The following GIT2 variants were observed in gnomAD, a reference collection of about 807,000 sequenced individuals.
GIT2 encodes the protein ARF GTPase-activating protein GIT2.
In GIT2, 32 loss-of-function variants were observed where a neutral mutation model predicts 100.3. The ratio of observed to expected loss-of-function variants is 0.32; its 90% confidence interval spans 0.24 to 0.43. The LOEUF is 0.43. GIT2 is among the 20% of genes least tolerant of loss of function. The pLI, the probability that GIT2 is intolerant of heterozygous loss-of-function variation, is 1.00. For missense variants in GIT2, 737 were observed against 975.1 expected (o/e 0.76, Z 3.25); for synonymous variants, 353 against 364.1 (o/e 0.97, Z 0.35).
rs867897339 is a variant in GIT2, at chr12:109,992,797, G to A, written c.53-1037C>T. Among the ~76,000 whole-genome samples, 10 of 152,096 alleles carry A rather than the reference G, an allele frequency of 6.6e-5. No homozygotes were observed. The South Asian group carries it at 1.7e-3, about 25-fold the overall frequency. ...AGCGATTCTCCTGCCTCAGCCTCCC[G>A]AGTAGCTGGAATTACATGTGTGTGC... On this transcript the variant is annotated intron_variant, in intron 1 of 19. Coordinates refer to ENST00000355312, the MANE Select transcript of GIT2 (RefSeq NM_057169.5).
intron 7 of GIT2, among the ~76,000 whole-genome samples, chr12:109,973,899 A>G (rs761611609): frequency 5.9e-5 from 9 of 151,718 alleles, no homozygotes; most frequent in Non-Finnish European, 1.0e-4. Flanking sequence ...AAAATGTGCC[A>G]GGCATGGTGC....
At position 109,932,774 on chromosome 12, in the gene GIT2, C is replaced by A. The variant is rs76092570; in HGVS notation, c.*204G>T. The A allele has an allele frequency of 3.4e-4, 181 of 538,940 alleles. No individual in the cohort carries two copies. Among genetic ancestry groups the A allele is most frequent in the African/African-American group, 3.0e-3 (160 of 52,878 alleles). The allele number at this position is 538,940 out of a possible 1,614,324, so 33.4% of individuals were successfully genotyped here. On this transcript the variant is annotated 3_prime_UTR_variant, in exon 20 of 20. Coordinates refer to ENST00000355312, the MANE Select transcript of GIT2 (RefSeq NM_057169.5). ...AACCGAACATCAGAAACTAAACCAG[C>A]AAATAGGCACAAAATAAGGCAAGTG...
chr12:109,996,275 C>A lies in GIT2; in HGVS notation c.-51G>T. 1 of 1,295,478 alleles carries A rather than the reference C, an allele frequency of 7.7e-7. No homozygotes were observed. The highest frequency in any genetic ancestry group is 1.1e-6 in the Non-Finnish European group (1 of 934,362). The allele number at this position is 1,295,478 out of a possible 1,614,324, so 80.2% of individuals were successfully genotyped here. A position where few individuals can be genotyped will look rare whatever the true frequency, so the allele number is the denominator to read the frequency against. ...ACTAGAGGCCGGGGGACAGCAAAGG[C>A]GGCGGTGGCGGCGGCGCTTCCGCTC... On this transcript the variant is annotated 5_prime_UTR_variant, in exon 1 of 20. Coordinates refer to ENST00000355312, the MANE Select transcript of GIT2 (RefSeq NM_057169.5).
At chr12:109,940,684 A>G (rs1376150450) in intron 16 of GIT2, among the ~76,000 whole-genome samples, 1 of 152,132 alleles carries the variant, frequency 6.6e-6, no homozygotes, top group African/African-American at 2.4e-5. Context: ...ATTTGAGGCC[A>G]GCCTAGGCAA....
In GIT2 at chr12:109,946,146, T is replaced by C. The variant is rs73419542; in HGVS notation, c.1642-797A>G. On this transcript the variant is annotated intron_variant, in intron 15 of 19. Coordinates refer to ENST00000355312, the MANE Select transcript of GIT2 (RefSeq NM_057169.5). ...GAGACTCCATCTCAAAAAAAAAAGATTCTTAACTTAGTTCAGTGGCATTCC... is the reference window on the plus strand; with the variant it reads ...GAGACTCCATCTCAAAAAAAAAAGACTCTTAACTTAGTTCAGTGGCATTCC... 3.0e-3 allele frequency among the ~76,000 whole-genome samples: 462 copies of C among 152,056 alleles called. 1 individual carries two copies. The highest frequency in any genetic ancestry group is 0.011 in the African/African-American group (441 of 41,470).
At chr12:109,969,676 T>A (rs1028954384) in intron 7 of GIT2, among the ~76,000 whole-genome samples, 3 of 152,166 alleles carry the variant, frequency 2.0e-5, no homozygotes, top group Admixed American at 6.6e-5. Context: ...CCTCCCAAAG[T>A]ACTAGGATTA....
rs11069066 is a variant in GIT2, at chr12:109,962,051, A to T, written c.817-366T>A. Among the ~76,000 whole-genome samples the T allele has an allele frequency of 0.19, 28,482 of 151,860 alleles. 4,941 individuals are homozygous for T. The highest frequency in any genetic ancestry group is 0.47 in the African/African-American group (19,331 of 41,412). Reference sequence around the variant, plus strand: ...TATCAGTTCCCCAAAGTATAAGGGAACCTATAACCTTGCAAAAACAGCCAG... The same window carrying T: ...TATCAGTTCCCCAAAGTATAAGGGATCCTATAACCTTGCAAAAACAGCCAG... On this transcript the variant is annotated intron_variant, in intron 9 of 19. Transcript: ENST00000355312. This position sits in a 1 kb window ranked among gnomAD's most constrained non-coding sequence, Gnocchi z 4.3.
chr12:109,999,998 A>G (rs891656544), upstream of GIT2, among the ~76,000 whole-genome samples: 5 of 152,048 alleles, frequency 3.3e-5, no homozygotes, highest in Non-Finnish European at 5.9e-5. The surrounding 1 kb of genome is among the most constrained non-coding windows in gnomAD (Gnocchi z 4.3). Flanking sequence ...CTTTCCAATA[A>G]CGCTGGTGGG....
intron 7 of GIT2, among the ~76,000 whole-genome samples, chr12:109,969,385 T>G (rs1308995588): frequency 6.6e-6 from 1 of 152,100 alleles, no homozygotes; most frequent in Non-Finnish European, 1.5e-5. Context: ...CAGGTTGGTC[T>G]TGAACTTCAG....
intron 7 of GIT2, 112 bp downstream of exon 7, chr12:109,980,840 C>A: frequency 1.4e-6 from 1 of 726,238 alleles, no homozygotes; most frequent in Non-Finnish European, 2.5e-6. Flanking sequence ...ATATGTATAG[C>A]TTTCTCAGTG....
rs1408750982 is a variant in GIT2, at chr12:109,947,275, A to C, written c.1622T>G (p.Leu541Arg). The change falls in exon 15 of 20, where the codon CTC becomes CGC. Residue 541 changes from leucine (L) to arginine (R), a missense_variant. Leu to Arg is a moderately radical substitution (Grantham distance 102). Around this residue, in one of 3 missense-constraint regions of GIT2, gnomAD observed 451 missense variants for 543.7 expected, o/e 0.83. Coordinates refer to ENST00000355312, the MANE Select transcript of GIT2 (RefSeq NM_057169.5). This position sits in a 1 kb window ranked among gnomAD's most constrained non-coding sequence, Gnocchi z 4.3. ...ASRPEESRMRLQPFPAHIGRS... is the reference protein window; with the variant it reads ...ASRPEESRMRRQPFPAHIGRS... Reference sequence around the variant, plus strand: ...ACTTACGTGCGCGGGGAAGGGCTGGAGTCTCATCCTGCTCTCTTCGGGGCG... The same window carrying C: ...ACTTACGTGCGCGGGGAAGGGCTGGCGTCTCATCCTGCTCTCTTCGGGGCG... The C allele has an allele frequency of 1.2e-6, 2 of 1,613,792 alleles. No homozygotes were observed. The highest frequency in any genetic ancestry group is 1.1e-5 in the South Asian group (1 of 91,072).
chr12:109,939,271 C>T (rs1308994628), intron 16 of GIT2, 24 bp from the exon 17 acceptor site: 1 of 1,384,732 alleles, frequency 7.2e-7, no homozygotes, highest in African/African-American at 1.4e-5. Context: ...GAGGGACCCT[C>T]ATGAGTTTGT....
rs866015128 is a variant in GIT2 at position 109,947,387 on chromosome 12, G to A, written c.1510C>T (p.Arg504Cys). ...DTSNHSSLKR[R>C]PSARGSRPMS... is the part of the protein sequence containing the mutation. ...GGCCTACTGCCCCGGGCAGACGGAC[G>A]TCTCTTTAAGGAAGAGTGGTTGGAA... Residue 504 changes from arginine (R) to cysteine (C), a missense_variant, in exon 15 of 20, where the codon CGT (arginine) becomes TGT (cysteine). Transcript: ENST00000355312. This position sits in a 1 kb window ranked among gnomAD's most constrained non-coding sequence, Gnocchi z 4.3. 21 of 1,614,148 alleles carry A rather than the reference G, an allele frequency of 1.3e-5. No homozygotes were observed. Among genetic ancestry groups the A allele is most frequent in the African/African-American group, 5.3e-5 (4 of 75,054 alleles).
chr12:109,948,670 A>T lies in GIT2; in HGVS notation c.1393-1166T>A. On this transcript the variant is annotated intron_variant, in intron 14 of 19. Transcript: ENST00000355312. This position sits in a 1 kb window ranked among gnomAD's most constrained non-coding sequence, Gnocchi z 4.3. ...GTAAAATCTGACCAAATTCCCCACC[A>T]GTGCCAAGGTTTAAGTCCACAAGCA... 1 of 1,435,462 alleles carries T rather than the reference A, an allele frequency of 7.0e-7. No individual in the cohort carries two copies. The highest frequency in any genetic ancestry group is 9.1e-7 in the Non-Finnish European group (1 of 1,101,618). 88.9% of individuals were successfully genotyped at this position (1,435,462 alleles called of 1,614,324 possible). A position where few individuals can be genotyped will look rare whatever the true frequency, so the allele number is the denominator to read the frequency against.
In GIT2 at chr12:109,933,974, GCTGTTC is replaced by G; in HGVS notation, c.2067+42_2067+47del. On this transcript the variant is annotated intron_variant, in intron 19 of 19. Transcript: ENST00000355312. This position sits in a 1 kb window ranked among gnomAD's most constrained non-coding sequence, Gnocchi z 4.5. ...TATATAGGTCATAAAGAAATTTCTT[GCTGTTC>G]ATTTAAAAGGATTTAAACCAAGTGA... is the stretch of plus-strand genomic sequence containing the variant. The G allele has an allele frequency of 1.0e-6, 1 of 979,154 alleles. No individual in the cohort carries two copies. Among genetic ancestry groups the G allele is most frequent in the South Asian group, 1.3e-5 (1 of 78,380 alleles). The allele number at this position is 979,154 out of a possible 1,614,324, so 60.7% of individuals were successfully genotyped here. A position where few individuals can be genotyped will look rare whatever the true frequency, so the allele number is the denominator to read the frequency against.
chr12:109,957,323 C>T (rs1385706354), intron 12 of GIT2, among the ~76,000 whole-genome samples: 1 of 152,150 alleles, frequency 6.6e-6, no homozygotes, highest in South Asian at 2.1e-4. Context: ...ACATGTAGCA[C>T]CCCTTCACCT....
intron 12 of GIT2, among the ~76,000 whole-genome samples, chr12:109,955,533 GT>G (rs1365353594): frequency 6.6e-6 from 1 of 152,148 alleles, no homozygotes; most frequent in African/African-American, 2.4e-5. Flanking sequence ...GTGTGTTTCT[GT>G]TTAAAGATAC....
intron 7 of GIT2, among the ~76,000 whole-genome samples, chr12:109,969,238 G>A (rs959698237): frequency 1.2e-4 from 17 of 140,430 alleles, no homozygotes; most frequent in Admixed American, 7.7e-4. Flanking sequence ...TGCAATATTG[G>A]CTCATTGCAA....
In GIT2 at chr12:109,947,148, A is replaced by T; in HGVS notation, c.1641+108T>A. On this transcript the variant is annotated intron_variant, in intron 15 of 19. Coordinates refer to ENST00000355312, the MANE Select transcript of GIT2 (RefSeq NM_057169.5). This position sits in a 1 kb window ranked among gnomAD's most constrained non-coding sequence, Gnocchi z 4.3. ...CAGCAAACACAATGGTAACTCTCTTAGTCCAATTTGGCAAAGCAGAGCTGT... is the reference window on the plus strand; with the variant it reads ...CAGCAAACACAATGGTAACTCTCTTTGTCCAATTTGGCAAAGCAGAGCTGT... 1.0e-6 allele frequency: 1 copy of T among 988,698 alleles called. No individual in the cohort carries two copies. The highest frequency in any genetic ancestry group is 1.5e-6 in the Non-Finnish European group (1 of 651,692). 61.2% of individuals were successfully genotyped at this position (988,698 alleles called of 1,614,324 possible). A position where few individuals can be genotyped will look rare whatever the true frequency, so the allele number is the denominator to read the frequency against.
Sources: allele counts gnomAD v4.1 joint callset (sites outside exome capture counted in the v4.1 genomes callset), GRCh38; gene constraint gnomAD v4.1.1; regional missense constraint gnomAD v4.1.1; non-coding constraint Gnocchi (gnomAD v3.1); transcripts MANE v1.5; gene names NCBI Gene and HGNC (gene_info 2026-07-23, HGNC 2026-07-21).